NIBAN1: variants seen among roughly 807,000 people sequenced by gnomAD.
NIBAN1 encodes protein Niban 1.
NIBAN1 carries 81 observed loss-of-function variants against 75.1 expected under a neutral mutation model. The observed-to-expected ratio is 1.08, with a 90% CI of 0.90 to 1.30. The LOEUF is 1.30. NIBAN1 is among the 50% of genes most tolerant of loss of function. The pLI is 0.00. For missense variants in NIBAN1, 1,133 were observed against 1,128.1 expected (o/e 1.00, Z -0.06); for synonymous variants, 436 against 424.8 (o/e 1.03, Z -0.32).
intron 11 of NIBAN1, 38 bp from the exon 12 acceptor site, chr1:184,803,730 C>T (rs963601652): frequency 1.9e-6 from 3 of 1,566,722 alleles, no homozygotes; most frequent in Admixed American, 3.3e-5. Context: ...AGTAACATTA[C>T]AATCTGTTGA....
At chr1:184,873,196 T>A (rs1656154467) in intron 5 of NIBAN1, among the ~76,000 whole-genome samples, 1 of 152,078 alleles carries the variant, frequency 6.6e-6, no homozygotes, top group Non-Finnish European at 1.5e-5. Context: ...AAACAAAAAC[T>A]GAGAAAAAGA....
At chr1:184,871,171 AC>A (rs1413123515) in intron 5 of NIBAN1, among the ~76,000 whole-genome samples, 1 of 151,888 alleles carries the variant, frequency 6.6e-6, no homozygotes, top group African/African-American at 2.4e-5. Context: ...ACATGGTGAA[AC>A]CCCGTCTCTA....
chr1:184,917,248 A>G (rs234678), intron 1 of NIBAN1, among the ~76,000 whole-genome samples: 22,976 of 147,944 alleles, frequency 0.16, 2,640 homozygotes, highest in African/African-American at 0.33. Context: ...TCTGTCGCCC[A>G]GGCTGGAGTG....
intron 5 of NIBAN1, among the ~76,000 whole-genome samples, chr1:184,857,099 T>G (rs562471578): frequency 6.6e-6 from 1 of 152,340 alleles, no homozygotes; most frequent in South Asian, 2.1e-4. Flanking sequence ...GAAAGAGTTC[T>G]TAATTTATAT....
At chr1:184,808,330 G>A in intron 9 of NIBAN1, 95 bp from the exon 10 acceptor site, 2 of 1,295,156 alleles carry the variant, frequency 1.5e-6, no homozygotes, top group East Asian at 2.5e-5. Flanking sequence ...GCAATCAAAT[G>A]CAAGTTGTTA....
intron 1 of NIBAN1, among the ~76,000 whole-genome samples, chr1:184,904,951 A>C (rs116274715): frequency 0.016 from 2,509 of 152,248 alleles, 62 homozygotes; most frequent in African/African-American, 0.056. Context: ...TCTCAAAAAA[A>C]AAAAATTCTC....
At chr1:184,827,538 T>C (rs1315726257) in intron 6 of NIBAN1, among the ~76,000 whole-genome samples, 1 of 141,700 alleles carries the variant, frequency 7.1e-6, no homozygotes, top group Non-Finnish European at 1.5e-5. Context: ...AATTTTAACA[T>C]AAGTGACCTA....
rs115443588 is a variant in NIBAN1 at position 184,869,346 on chromosome 1, G to A, written c.601+15287C>T. On this transcript the variant is annotated intron_variant, in intron 5 of 13. Coordinates refer to ENST00000367511, the MANE Select transcript of NIBAN1 (RefSeq NM_052966.4). ...GATCGTCCAGTATAAAAAGCGAAAG[G>A]GTCACACTGGAAATGCAAAACTCAG... 9.6e-3 allele frequency among the ~76,000 whole-genome samples: 1,455 copies of A among 152,180 alleles called. 21 individuals carry two copies. Among genetic ancestry groups the A allele is most frequent in the African/African-American group, 0.033 (1,369 of 41,526 alleles).
intron 6 of NIBAN1, among the ~76,000 whole-genome samples, chr1:184,824,595 C>T (rs973006089): frequency 6.6e-6 from 1 of 152,150 alleles, no homozygotes; most frequent in Non-Finnish European, 1.5e-5. Context: ...CCAGAACAGA[C>T]CAGGCACAGA....
rs1653862173 is a variant in NIBAN1 at position 184,796,245 on chromosome 1, C to A, written c.1667-148G>T. 5.6e-6 allele frequency: 4 copies of A among 715,998 alleles called. No homozygotes were observed. The South Asian group carries it at 9.3e-5, about 17-fold the overall frequency. The allele number at this position is 715,998 out of a possible 1,614,324, so 44.4% of individuals were successfully genotyped here. ...TTCCCTGATGACCAAAGTCTATAAA[C>A]TCTTTCCAAACTCTGAGCCTCTGTA... On this transcript the variant is annotated intron_variant, in intron 13 of 13. Transcript: ENST00000367511.
chr1:184,815,624 T>C (rs1654504870), intron 9 of NIBAN1, among the ~76,000 whole-genome samples: 1 of 152,208 alleles, frequency 6.6e-6, no homozygotes, highest in Non-Finnish European at 1.5e-5. Context: ...GTCTATTATG[T>C]GCACTTATAG....
At chr1:184,829,464 C>CTAT in intron 6 of NIBAN1, among the ~76,000 whole-genome samples, 1 of 129,068 alleles carries the variant, frequency 7.7e-6, no homozygotes, top group Non-Finnish European at 1.6e-5. Flanking sequence ...TACATATATT[C>CTAT]TTTTTTTTTT....
At chr1:184,837,142 C>T (rs933531836) in intron 5 of NIBAN1, among the ~76,000 whole-genome samples, 1 of 152,174 alleles carries the variant, frequency 6.6e-6, no homozygotes, top group African/African-American at 2.4e-5. Context: ...TTATGAACTT[C>T]CTGCCACAGA....
At chr1:184,931,430 C>T (rs1272585280) in intron 1 of NIBAN1, among the ~76,000 whole-genome samples, 1 of 152,146 alleles carries the variant, frequency 6.6e-6, no homozygotes, top group African/African-American at 2.4e-5. Flanking sequence ...ATTATTGTCG[C>T]TTTAGCTAAG....
At position 184,873,331 on chromosome 1, in the gene NIBAN1, G is replaced by T. The variant is rs77928836; in HGVS notation, c.601+11302C>A. ...AATTATGAGCAAAGAAAGCAGTGAA[G>T]GAGATCAGAACATGCCATCTCAGAA... On this transcript the variant is annotated intron_variant, in intron 5 of 13. Coordinates refer to ENST00000367511, the MANE Select transcript of NIBAN1 (RefSeq NM_052966.4). Among the ~76,000 whole-genome samples the T allele has an allele frequency of 3.4e-3, 523 of 152,308 alleles. 5 individuals are homozygous for T. The highest frequency in any genetic ancestry group is 2.5e-3 in the Non-Finnish European group (171 of 68,020).
intron 1 of NIBAN1, among the ~76,000 whole-genome samples, chr1:184,908,100 AACACTTACCCTCAT>A (rs1657150547): frequency 2.0e-5 from 3 of 152,238 alleles, no homozygotes; most frequent in Admixed American, 1.3e-4. Context: ...CCTGCTTTCC[AACACTTACCCTCAT>A]AGAGGTCCCA....
At chr1:184,876,009 G>A (rs939046467) in intron 5 of NIBAN1, among the ~76,000 whole-genome samples, 4 of 151,848 alleles carry the variant, frequency 2.6e-5, no homozygotes, top group Admixed American at 6.6e-5. Context: ...CGTTGTCTCT[G>A]CTAAAAATAC....
chr1:184,974,385 A>T lies in NIBAN1; in HGVS notation c.-29T>A, dbSNP rs772904279. 56 of 1,543,204 alleles carry T rather than the reference A, an allele frequency of 3.6e-5. No individual in the cohort carries two copies. Among genetic ancestry groups the T allele is most frequent in the Non-Finnish European group, 4.6e-5 (53 of 1,150,368 alleles). On this transcript the variant is annotated 5_prime_UTR_variant, in exon 1 of 14. Transcript: ENST00000367511. ...CGCGAGCTGCCTGTGCTGAGCGCGG[A>T]AACTGCCCGGTCCGCGCCCGCTGCT...
chr1:184,807,270 G>A (rs574190418), intron 10 of NIBAN1, among the ~76,000 whole-genome samples: 6 of 151,602 alleles, frequency 4.0e-5, no homozygotes, highest in Admixed American at 6.6e-5. Context: ...ACTATAATAC[G>A]GAAGGAGTTT....
Sources: allele counts gnomAD v4.1 joint callset (sites outside exome capture counted in the v4.1 genomes callset), GRCh38; gene constraint gnomAD v4.1.1; transcripts MANE v1.5; gene names NCBI Gene and HGNC (gene_info 2026-07-23, HGNC 2026-07-21).